ECT2: variants seen among roughly 807,000 people sequenced by gnomAD.
ECT2 encodes the protein epithelial cell transforming 2.
Under a neutral mutation model 116.9 loss-of-function variants are expected in ECT2, and 61 were observed. The ratio of observed to expected loss-of-function variants is 0.52; its 90% CI spans 0.42 to 0.65. The LOEUF (loss-of-function observed/expected upper bound fraction) is 0.65. Ranked by LOEUF, ECT2 falls within the 30% of genes least tolerant of loss-of-function variation. The probability of loss-of-function intolerance (pLI) is 0.00; values close to 1 mark genes in which losing one functional copy is unlikely to be tolerated. For synonymous variants in ECT2, 358 were observed against 346.4 expected, an observed-to-expected ratio of 1.03 and a Z score of -0.37; for missense variants, 937 against 1,078.7, an observed-to-expected ratio of 0.87 and a Z score of 1.84.
At chr3:172,801,044 T>G (rs1726621811) in intron 18 of ECT2, among the ~76,000 whole-genome samples, 1 of 152,208 alleles carries the variant, frequency 6.6e-6, no homozygotes, top group Non-Finnish European at 1.5e-5. Flanking sequence ...TCAATCTTTC[T>G]TGCAGTTTTT....
intron 24 of ECT2, among the ~76,000 whole-genome samples, chr3:172,819,216 C>A (rs553607693): frequency 6.6e-6 from 1 of 152,174 alleles, no homozygotes; most frequent in Admixed American, 6.5e-5. Context: ...AATGGTTATA[C>A]TTCATCAACC....
At chr3:172,828,905 AAC>A in the ECT2 span, 5 of 1,441,154 alleles carry the variant, frequency 3.5e-6, no homozygotes, top group African/African-American at 1.4e-5. Flanking sequence ...CAAGCTGCCA[AAC>A]ACAATTCCAA....
intron 21 of ECT2, among the ~76,000 whole-genome samples, chr3:172,807,464 G>A (rs1202751776): frequency 3.9e-5 from 6 of 152,140 alleles, no homozygotes; most frequent in East Asian, 1.9e-4. Context: ...CATCTTGATC[G>A]TGCAACTTTT....
intron 18 of ECT2, among the ~76,000 whole-genome samples, chr3:172,788,589 G>T (rs972157964): frequency 1.3e-5 from 2 of 152,056 alleles, no homozygotes; most frequent in African/African-American, 4.8e-5. Context: ...AGATACTGTG[G>T]GTTAGGTTGC....
intron 24 of ECT2, among the ~76,000 whole-genome samples, chr3:172,819,388 T>C (rs1479316550): frequency 1.3e-5 from 2 of 152,080 alleles, no homozygotes; most frequent in African/African-American, 4.8e-5. Flanking sequence ...TTTGTTAGAG[T>C]TGTTTTATTT....
At chr3:172,803,031 C>A in intron 20 of ECT2, 51 bp downstream of exon 20, 2 of 1,464,892 alleles carry the variant, frequency 1.4e-6, no homozygotes, top group South Asian at 1.4e-5. Flanking sequence ...TTTGTAAGTT[C>A]CCTGAATATT....
intron 6 of ECT2, among the ~76,000 whole-genome samples, chr3:172,759,614 T>G (rs529308569): frequency 1.3e-5 from 2 of 152,128 alleles, no homozygotes; most frequent in Non-Finnish European, 2.9e-5. Context: ...GCTAATTTTT[T>G]TTTGTATTTT....
chr3:172,770,958 A>T (rs371974160), intron 13 of ECT2, among the ~76,000 whole-genome samples: 6 of 152,252 alleles, frequency 3.9e-5, no homozygotes, highest in African/African-American at 1.4e-4. Context: ...CTACTCGTTT[A>T]GTTTAGGGAA....
At chr3:172,799,702 AC>A (rs1354527812) in intron 18 of ECT2, among the ~76,000 whole-genome samples, 1 of 152,206 alleles carries the variant, frequency 6.6e-6, no homozygotes, top group Non-Finnish European at 1.5e-5. Context: ...TCCAGTACCC[AC>A]AATGGTCTTT....
chr3:172,799,317 A>G (rs1438173686), intron 18 of ECT2, among the ~76,000 whole-genome samples: 1 of 152,220 alleles, frequency 6.6e-6, no homozygotes, highest in South Asian at 2.1e-4. Flanking sequence ...AAGTTCACCA[A>G]AATATCTTAT....
In ECT2 at chr3:172,796,759, C is replaced by T. The variant is rs139907696; in HGVS notation, c.1908-5857C>T. On this transcript the variant is annotated intron_variant, in intron 18 of 24. Transcript: ENST00000392692. The stretch of plus-strand genomic sequence containing the variant: ...TCAGCTCACTGCAACCTCTGCCTCT[C>T]AGGTTCCAGCGATTCTCCTGCCTCT... 7.3e-3 allele frequency among the ~76,000 whole-genome samples: 1,108 copies of T among 152,232 alleles called. 14 individuals are homozygous for T. Among genetic ancestry groups the T allele is most frequent in the African/African-American group, 0.025 (1,036 of 41,534 alleles).
downstream of ECT2, among the ~76,000 whole-genome samples, chr3:172,825,885 C>T (rs774542186): frequency 9.9e-5 from 15 of 152,152 alleles, no homozygotes; most frequent in Admixed American, 2.6e-4. Flanking sequence ...TGGAAGAAAA[C>T]GCCATCTAAG....
intron 14 of ECT2, among the ~76,000 whole-genome samples, chr3:172,779,897 A>C (rs1439677328): frequency 6.8e-6 from 1 of 146,270 alleles, no homozygotes; most frequent in African/African-American, 2.5e-5. Context: ...CCCTGTCTCA[A>C]AAAAAAAAAA....
chr3:172,771,871 G>T (rs544390535), intron 13 of ECT2, among the ~76,000 whole-genome samples: 9 of 152,236 alleles, frequency 5.9e-5, no homozygotes, highest in African/African-American at 2.2e-4. Flanking sequence ...TTTCATTTTC[G>T]TAATGACTAA....
intron 2 of ECT2, 31 bp from the exon 3 acceptor site, chr3:172,755,262 TGA>T: frequency 6.6e-7 from 1 of 1,524,808 alleles, no homozygotes; most frequent in South Asian, 1.2e-5. Context: ...TGTTAATACA[TGA>T]TAAACATTGA....
intron 18 of ECT2, among the ~76,000 whole-genome samples, chr3:172,793,997 C>A (rs574904319): frequency 8.7e-4 from 131 of 151,288 alleles, no homozygotes; most frequent in African/African-American, 3.0e-3. Context: ...AGTTAAAAGG[C>A]TTTTTTTAAA....
chr3:172,778,485 A>G (rs1274666807), intron 14 of ECT2, among the ~76,000 whole-genome samples: 2 of 151,806 alleles, frequency 1.3e-5, no homozygotes, highest in African/African-American at 4.8e-5. Flanking sequence ...GTCAGACAAT[A>G]CTGAGTTTCA....
intron 24 of ECT2, chr3:172,818,622 T>C (rs1302970194): frequency 3.1e-6 from 4 of 1,289,058 alleles, no homozygotes; most frequent in Middle Eastern, 2.1e-4. Flanking sequence ...TAAACTCTAC[T>C]GGTGGGCGCT....
At position 172,810,357 on chromosome 3, in the gene ECT2, A is replaced by G. The variant is rs373831263; in HGVS notation, c.2400+2433A>G. 6.9e-4 allele frequency among the ~76,000 whole-genome samples: 105 copies of G among 152,296 alleles called. 1 individual carries two copies. In the South Asian group the frequency reaches 0.015, roughly 21 times the overall value. On this transcript the variant is annotated intron_variant, in intron 22 of 24. Coordinates refer to ENST00000392692, the MANE Select transcript of ECT2 (RefSeq NM_001258315.2). ...CACCATTGGCTACTTAAGAGTTGCAATCTTCATTCTGAGTTTTTAAACTTG... is the reference window on the plus strand; with the variant it reads ...CACCATTGGCTACTTAAGAGTTGCAGTCTTCATTCTGAGTTTTTAAACTTG...
Sources: gnomAD v4.1 joint callset for allele counts (sites outside exome capture counted in the v4.1 genomes callset) on GRCh38, gnomAD v4.1.1 for gene constraint, MANE v1.5 for transcripts, NCBI Gene and HGNC (gene_info 2026-07-23, HGNC 2026-07-21) for gene names.